VPS13B: variants seen among roughly 807,000 people sequenced by gnomAD.
The protein encoded by VPS13B is intermembrane lipid transfer protein VPS13B.
VPS13B carries 285 observed loss-of-function variants against 426.4 expected under a neutral mutation model. That is an observed-to-expected ratio of 0.67 (90% CI 0.61 to 0.74). VPS13B has a LOEUF of 0.74. VPS13B is among the 30% of genes least tolerant of loss of function. VPS13B has a pLI of 0.00. For synonymous variants in VPS13B, 1,676 were observed against 1,676.4 expected (o/e 1.00, Z 0.01); for missense variants, 4,537 against 4,782.6 (o/e 0.95, Z 1.51).
intron 17 of VPS13B, among the ~76,000 whole-genome samples, chr8:99,259,332 C>G (rs1311156057): frequency 1.3e-5 from 2 of 151,948 alleles, no homozygotes; most frequent in African/African-American, 4.8e-5. Context: ...AGCAAGACTT[C>G]TAAAAAAATT....
rs1261921859 is a variant in VPS13B at position 99,274,632 on chromosome 8, TTAAAA to T, written c.2650+302_2650+306del. Among the ~76,000 whole-genome samples, 7 of 152,238 alleles carry T rather than the reference TTAAAA, an allele frequency of 4.6e-5. No homozygotes were observed. In the East Asian group the frequency reaches 9.6e-4, roughly 21 times the overall value. On this transcript the variant is annotated intron_variant, in intron 18 of 61. Coordinates refer to ENST00000357162, the MANE Select transcript of VPS13B (RefSeq NM_152564.5). Reference sequence around the variant, plus strand: ...TATATATATGTATATAATATGACACTTAAAATTAAATTAAAAAGTTGTTATTGTAA... The same window carrying T: ...TATATATATGTATATAATATGACACTTTAAATTAAAAAGTTGTTATTGTAA...
chr8:99,104,902 G>A (rs894810815), intron 5 of VPS13B, among the ~76,000 whole-genome samples: 2 of 152,210 alleles, frequency 1.3e-5, no homozygotes, highest in Non-Finnish European at 2.9e-5. Flanking sequence ...TGGGATTACA[G>A]GTGTGAGCCA....
At chr8:99,300,919 A>T (rs1173684775) in intron 19 of VPS13B, among the ~76,000 whole-genome samples, 10 of 147,766 alleles carry the variant, frequency 6.8e-5, no homozygotes, top group African/African-American at 2.2e-4. Context: ...AGTTCTGCAC[A>T]CATAATAAAA....
chr8:99,574,614 A>C (rs1269461631), intron 31 of VPS13B, among the ~76,000 whole-genome samples: 1 of 152,124 alleles, frequency 6.6e-6, no homozygotes, highest in Non-Finnish European at 1.5e-5. Flanking sequence ...ATTATTAATA[A>C]TTTTAAATTT....
intron 39 of VPS13B, among the ~76,000 whole-genome samples, chr8:99,726,571 A>G (rs1325979983): frequency 2.6e-5 from 4 of 152,214 alleles, no homozygotes; most frequent in Admixed American, 2.0e-4. Context: ...CCATTGTCAC[A>G]TGCCAAATGA....
intron 35 of VPS13B, among the ~76,000 whole-genome samples, chr8:99,669,531 A>G (rs1830621677): frequency 6.6e-6 from 1 of 152,150 alleles, no homozygotes; most frequent in Admixed American, 6.5e-5. Context: ...TGTCACATTC[A>G]TCATATAATT....
At position 99,794,172 on chromosome 8, in the gene VPS13B, A is replaced by G. The variant is rs903176779; in HGVS notation, c.7941+9696A>G. Among the ~76,000 whole-genome samples the G allele has an allele frequency of 4.6e-5, 7 of 152,326 alleles. No individual in the cohort carries two copies. The East Asian group carries it at 5.8e-4, about 13-fold the overall frequency. ...CCTTTTTAGTCCTTTTCCCCTAACT[A>G]GACATCCAAATGGACATGTAAAGTA... On this transcript the variant is annotated intron_variant, in intron 43 of 61. Transcript: ENST00000357162.
At chr8:99,417,507 A>G (rs1816089026) in intron 21 of VPS13B, among the ~76,000 whole-genome samples, 3 of 152,180 alleles carry the variant, frequency 2.0e-5, no homozygotes, top group African/African-American at 7.2e-5. Flanking sequence ...ATGATATGCT[A>G]TCTGGAAGTG....
Position 99,877,245 on chromosome 8 carries a change from T to TGAC in VPS13B, c.*1580_*1582dup, listed in dbSNP as rs1817736927. The TGAC allele has an allele frequency of 6.6e-6, 1 of 152,604 alleles. No homozygotes were observed. The highest frequency in any genetic ancestry group is 2.4e-5 in the African/African-American group (1 of 41,460). The allele number at this position is 152,604 out of a possible 1,614,324, so 9.5% of individuals were successfully genotyped here. ...GAAAGCAAGACTTAACGAACAATTCTGACTATGAAAAATGTCTCTTTCAGT... is the reference window on the plus strand; with the variant it reads ...GAAAGCAAGACTTAACGAACAATTCTGACGACTATGAAAAATGTCTCTTTCAGT... On this transcript the variant is annotated 3_prime_UTR_variant, in exon 62 of 62. Transcript: ENST00000357162.
At chr8:99,254,076 T>C (rs547020460) in intron 17 of VPS13B, among the ~76,000 whole-genome samples, 1 of 152,276 alleles carries the variant, frequency 6.6e-6, no homozygotes, top group East Asian at 1.9e-4. Context: ...TGAAACATAG[T>C]TTAGAAAACT....
At chr8:99,723,431 A>G (rs756002706) in intron 39 of VPS13B, among the ~76,000 whole-genome samples, 15 of 152,194 alleles carry the variant, frequency 9.9e-5, no homozygotes, top group Non-Finnish European at 2.1e-4. Context: ...CAGATTTTGA[A>G]TTTATGGATT....
intron 33 of VPS13B, among the ~76,000 whole-genome samples, chr8:99,606,508 AAAAAAAG>A (rs1236627461): frequency 5.3e-5 from 8 of 150,364 alleles, no homozygotes; most frequent in South Asian, 2.1e-4. Context: ...CAAAAAAAAA[AAAAAAAG>A]AAAAAAGAAA....
At chr8:99,806,807 C>T (rs905601419) in intron 43 of VPS13B, among the ~76,000 whole-genome samples, 6 of 152,174 alleles carry the variant, frequency 3.9e-5, no homozygotes, top group Non-Finnish European at 7.3e-5. Flanking sequence ...GTGGGTCCAA[C>T]AAGAACAAAA....
At chr8:99,744,698 T>A (rs1488352843) in intron 39 of VPS13B, among the ~76,000 whole-genome samples, 4 of 152,062 alleles carry the variant, frequency 2.6e-5, no homozygotes, top group Non-Finnish European at 5.9e-5. Flanking sequence ...GAAACCATCA[T>A]TCTCAGCAAA....
At chr8:99,117,488 A>G (rs1464033872) in intron 7 of VPS13B, among the ~76,000 whole-genome samples, 1 of 152,228 alleles carries the variant, frequency 6.6e-6, no homozygotes, top group Non-Finnish European at 1.5e-5. Context: ...AAAAACTTAT[A>G]TATGAAATGT....
chr8:99,489,886 A>G (rs893449328), intron 25 of VPS13B, among the ~76,000 whole-genome samples: 3 of 152,040 alleles, frequency 2.0e-5, no homozygotes, highest in African/African-American at 7.2e-5. Context: ...CTGCTTGAAT[A>G]CCCTTTATTT....
At chr8:99,188,101 A>G (rs1353549508) in intron 16 of VPS13B, among the ~76,000 whole-genome samples, 2 of 138,770 alleles carry the variant, frequency 1.4e-5, no homozygotes, top group East Asian at 2.0e-4. Context: ...TATTTGAATC[A>G]GTTTTGCTAA....
intron 16 of VPS13B, among the ~76,000 whole-genome samples, chr8:99,171,079 A>C (rs1482175639): frequency 6.6e-6 from 1 of 151,852 alleles, no homozygotes; most frequent in Non-Finnish European, 1.5e-5. Flanking sequence ...TTGCCTGCTG[A>C]TACAGAAAAT....
In VPS13B at chr8:99,875,397, TTTA is replaced by T; in HGVS notation, c.11746-15_11746-13del. On this transcript the variant is annotated intron_variant, in intron 61 of 61. Coordinates refer to ENST00000357162, the MANE Select transcript of VPS13B (RefSeq NM_152564.5). Reference sequence around the variant, plus strand: ...TCTCGTAAGGGTCTGGCAACTAATCTTTATTATTTTTGGATCCTAGGTAGATGG... The same window carrying T: ...TCTCGTAAGGGTCTGGCAACTAATCTTTATTTTTGGATCCTAGGTAGATGG... 6.2e-7 allele frequency: 1 copy of T among 1,614,136 alleles called. No homozygotes were observed. The highest frequency in any genetic ancestry group is 8.5e-7 in the Non-Finnish European group (1 of 1,180,024).
Sources: gnomAD v4.1 joint callset for allele counts (sites outside exome capture counted in the v4.1 genomes callset) on GRCh38, gnomAD v4.1.1 for gene constraint, MANE v1.5 for transcripts, NCBI Gene and HGNC (gene_info 2026-07-23, HGNC 2026-07-21) for gene names.